Variants in CRISPLD2 observed in about 807,000 individuals in gnomAD.
CRISPLD2 encodes cysteine rich secretory protein LCCL domain containing 2, also known as cysteine-rich secretory protein LCCL domain-containing 2.
CRISPLD2 carries 47 observed loss-of-function variants against 71.1 expected under a neutral mutation model. That is an observed-to-expected ratio of 0.66 (90% CI 0.52 to 0.84). The LOEUF (loss-of-function observed/expected upper bound fraction) is 0.84, where lower values mean the gene tolerates loss of function less well. CRISPLD2 is among the 40% of genes least tolerant of loss of function. CRISPLD2 has a pLI of 0.00. For missense variants in CRISPLD2, 830 were observed against 651.1 expected (o/e 1.27, Z -2.99); for synonymous variants, 317 against 250.1 (o/e 1.27, Z -2.52).
intron 1 of CRISPLD2, among the ~76,000 whole-genome samples, chr16:84,828,465 G>A (rs1406971136): frequency 6.6e-6 from 1 of 152,216 alleles, no homozygotes; most frequent in Non-Finnish European, 1.5e-5. Context: ...TTCGAACCCA[G>A]AGCTGCCCAT....
Position 84,866,126 on chromosome 16 carries a change from G to A in CRISPLD2, c.710-771G>A, listed in dbSNP as rs1216229691. On this transcript the variant is annotated intron_variant, in intron 6 of 14. Transcript: ENST00000262424. ...AGCACTGAGGCTGGCCTTGTGCACC[G>A]TGATGTGTGCATGATGAGGAAGACC... Among the ~76,000 whole-genome samples the A allele has an allele frequency of 2.6e-5, 4 of 152,282 alleles. 1 individual carries two copies. The highest frequency in any genetic ancestry group is 6.8e-3 in the Middle Eastern group (2 of 294).
intron 6 of CRISPLD2, among the ~76,000 whole-genome samples, chr16:84,863,982 A>C (rs866480748): frequency 3.5e-4 from 51 of 144,564 alleles, no homozygotes; most frequent in African/African-American, 1.2e-3. Context: ...AAAAGAAAGA[A>C]AGAGAGAGAG....
intron 13 of CRISPLD2, among the ~76,000 whole-genome samples, chr16:84,882,619 G>C (rs1009908864): frequency 1.3e-5 from 2 of 152,114 alleles, no homozygotes; most frequent in African/African-American, 4.8e-5. Context: ...TGGCCAGGCT[G>C]GTCTCGAACC....
chr16:84,866,986 C>T lies in CRISPLD2; in HGVS notation c.799C>T (p.Pro267Ser). 2 of 1,614,084 alleles carry T rather than the reference C, an allele frequency of 1.2e-6. No individual in the cohort carries two copies. Among genetic ancestry groups the T allele is most frequent in the Non-Finnish European group, 1.7e-6 (2 of 1,180,018 alleles). ...TGAAGAAAACCATGTTTGGCTCCAA[C>T]CGAGGGTGATGAGACCCACCAAGCC... Reference protein sequence around the residue: ...IPEENHVWLQPRVMRPTKPKK... With the variant: ...IPEENHVWLQSRVMRPTKPKK... Residue 267 changes from proline to serine, a missense_variant, in exon 7 of 15, where the codon CCG becomes TCG. Physicochemically the swap from Pro to Ser is moderately conservative, Grantham distance 74 (BLOSUM62 -1). Transcript: ENST00000262424.
At chr16:84,852,713 G>C (rs1486122229) in intron 5 of CRISPLD2, among the ~76,000 whole-genome samples, 1 of 152,088 alleles carries the variant, frequency 6.6e-6, no homozygotes, top group African/African-American at 2.4e-5. Flanking sequence ...ACAAGGGGTG[G>C]GGTGGGTGTG....
intron 11 of CRISPLD2, among the ~76,000 whole-genome samples, chr16:84,876,547 C>G (rs762839460): frequency 6.7e-5 from 10 of 149,492 alleles, no homozygotes; most frequent in African/African-American, 2.0e-4. Context: ...AATCTTAGCA[C>G]TTTGGGAGGC....
At chr16:84,886,438 C>A (rs2071614042) in intron 13 of CRISPLD2, among the ~76,000 whole-genome samples, 1 of 152,140 alleles carries the variant, frequency 6.6e-6, no homozygotes, top group East Asian at 1.9e-4. Context: ...TGGTGGTGGG[C>A]TGGCCTCTCT....
rs1249585129 is a variant in CRISPLD2, at chr16:84,862,369, T to A, written c.710-4528T>A. 5.3e-5 allele frequency among the ~76,000 whole-genome samples: 8 copies of A among 152,034 alleles called. No homozygotes were observed. The East Asian group carries it at 1.4e-3, about 26-fold the overall frequency. On this transcript the variant is annotated intron_variant, in intron 6 of 14. Coordinates refer to ENST00000262424, the MANE Select transcript of CRISPLD2 (RefSeq NM_031476.4). ...AGGCACATGCCACCATGGTTAATTT[T>A]AAAAATTTTTTGTAGAGACGGGATC...
intron 3 of CRISPLD2, 106 bp from the exon 4 acceptor site, chr16:84,849,279 T>G: frequency 3.5e-6 from 4 of 1,158,822 alleles, no homozygotes; most frequent in Non-Finnish European, 4.9e-6. Context: ...TGGCCGCTAT[T>G]CACCCTCCTC....
intron 1 of CRISPLD2, among the ~76,000 whole-genome samples, chr16:84,821,331 CT>C (rs1405608809): frequency 6.6e-6 from 1 of 152,190 alleles, no homozygotes; most frequent in Non-Finnish European, 1.5e-5. Flanking sequence ...GCTTCTGCCC[CT>C]GATCTGGCTG....
Position 84,838,723 on chromosome 16 carries a change from C to T in CRISPLD2, c.228C>T (p.Asn76=). 1 of 1,613,326 alleles carries T rather than the reference C, an allele frequency of 6.2e-7. No individual in the cohort carries two copies. Among genetic ancestry groups the T allele is most frequent in the Non-Finnish European group, 8.5e-7 (1 of 1,179,914 alleles). Residue 76 remains asparagine, a synonymous_variant, in exon 2 of 15, where the codon AAC becomes AAT. Coordinates refer to ENST00000262424, the MANE Select transcript of CRISPLD2 (RefSeq NM_031476.4). ...GCCAGGTGCAGCCTCAGGCCTCCAA[C>T]ATGGAGTACATGGTGAGCGCCGGCT... ...LRGQVQPQAS[N]MEYMTWDDEL...
intron 8 of CRISPLD2, 47 bp from the exon 9 acceptor site, chr16:84,872,395 A>T: frequency 6.9e-7 from 1 of 1,456,168 alleles, no homozygotes; most frequent in Non-Finnish European, 9.6e-7. Flanking sequence ...TGTGAGATGT[A>T]ATCAACGTGC....
chr16:84,887,652 G>A (rs1229023084), intron 13 of CRISPLD2, among the ~76,000 whole-genome samples: 3 of 152,126 alleles, frequency 2.0e-5, no homozygotes, highest in Non-Finnish European at 4.4e-5. Context: ...CGAGGCGTGT[G>A]GATCACCTGA....
At chr16:84,854,498 G>A (rs1280048266) in intron 5 of CRISPLD2, among the ~76,000 whole-genome samples, 2 of 152,158 alleles carry the variant, frequency 1.3e-5, no homozygotes, top group Non-Finnish European at 2.9e-5. Context: ...GTGTGGAAGG[G>A]CATCTTGTAG....
At chr16:84,899,744 G>A (rs180897161) in intron 14 of CRISPLD2, among the ~76,000 whole-genome samples, 1 of 152,272 alleles carries the variant, frequency 6.6e-6, no homozygotes, top group African/African-American at 2.4e-5. Flanking sequence ...CAGGGCCCTT[G>A]GGCTGGCCAT....
chr16:84,845,869 G>A lies in CRISPLD2; in HGVS notation c.324G>A (p.Val108=). ...AGCACGGGCCCACCAGTCTGCTGGT[G>A]TCCATCGGGCAGAACCTGGGCGCTC... ...IWEHGPTSLL[V]SIGQNLGAHW... Residue 108 remains valine, a synonymous_variant, in exon 3 of 15, where the codon GTG becomes GTA. Transcript: ENST00000262424. 6.2e-7 allele frequency: 1 copy of A among 1,613,994 alleles called. No homozygotes were observed. The highest frequency in any genetic ancestry group is 8.5e-7 in the Non-Finnish European group (1 of 1,179,854).
chr16:84,823,795 T>C (rs749528818), intron 1 of CRISPLD2, among the ~76,000 whole-genome samples: 1 of 152,242 alleles, frequency 6.6e-6, no homozygotes, highest in African/African-American at 2.4e-5. Flanking sequence ...TGATGAGGAT[T>C]GTGCAATTTC....
At chr16:84,888,174 T>C (rs2143341029) in intron 13 of CRISPLD2, among the ~76,000 whole-genome samples, 1 of 152,362 alleles carries the variant, frequency 6.6e-6, no homozygotes, top group Non-Finnish European at 1.5e-5. Context: ...ATCCGTTTTC[T>C]TGCCTTTTCC....
intron 4 of CRISPLD2, among the ~76,000 whole-genome samples, chr16:84,849,944 G>A (rs550087494): frequency 9.5e-5 from 14 of 147,208 alleles, no homozygotes; most frequent in South Asian, 8.7e-4. Context: ...CAGGCTAGTC[G>A]CAAACTCCTG....
Sources: gnomAD v4.1 joint callset for allele counts (sites outside exome capture counted in the v4.1 genomes callset) on GRCh38, gnomAD v4.1.1 for gene constraint, MANE v1.5 for transcripts, NCBI Gene and HGNC (gene_info 2026-07-23, HGNC 2026-07-21) for gene names.